Variants in PARD3B observed in about 807,000 individuals in gnomAD.
PARD3B encodes par-3 family cell polarity regulator beta.
A neutral mutation model predicts 130.2 loss-of-function variants in PARD3B; 103 were observed. The observed-to-expected ratio is 0.79, with a 90% confidence interval of 0.67 to 0.93. The LOEUF (loss-of-function observed/expected upper bound fraction) is 0.93, where lower values mean the gene tolerates loss of function less well. Among genes scored for constraint, PARD3B ranks in the 40% least tolerant of loss-of-function variants. The probability of loss-of-function intolerance (pLI) is 0.00; values close to 1 mark genes in which losing one functional copy is unlikely to be tolerated. For missense variants in PARD3B, 1,609 were observed against 1,499.2 expected, an observed-to-expected ratio of 1.07 and a Z score of -1.21; for synonymous variants, 583 against 553.2, an observed-to-expected ratio of 1.05 and a Z score of -0.76.
chr2:205,447,629 GGC>G (rs2047952332), intron 20 of PARD3B, among the ~76,000 whole-genome samples: 2 of 152,060 alleles, frequency 1.3e-5, no homozygotes, highest in African/African-American at 2.4e-5. Flanking sequence ...TGCCCACCTG[GGC>G]CTCCCAAAGT....
At chr2:204,751,855 G>A (rs1466114094) in intron 2 of PARD3B, among the ~76,000 whole-genome samples, 2 of 152,166 alleles carry the variant, frequency 1.3e-5, no homozygotes, top group African/African-American at 4.8e-5. Context: ...CTGAAGAAAT[G>A]TAATCACTGA....
At chr2:205,250,631 T>C (rs1268830059) in intron 16 of PARD3B, among the ~76,000 whole-genome samples, 2 of 152,070 alleles carry the variant, frequency 1.3e-5, no homozygotes, top group Non-Finnish European at 2.9e-5. Flanking sequence ...CTCAGGTAAT[T>C]TAAATACTTG....
chr2:204,990,429 G>C (rs1436216382), intron 3 of PARD3B, among the ~76,000 whole-genome samples: 1 of 151,932 alleles, frequency 6.6e-6, no homozygotes, highest in Non-Finnish European at 1.5e-5. Context: ...TAGCTATCTT[G>C]AAATATACAA....
intron 2 of PARD3B, among the ~76,000 whole-genome samples, chr2:204,782,866 A>G (rs2041887091): frequency 6.6e-6 from 1 of 152,100 alleles, no homozygotes; most frequent in South Asian, 2.1e-4. Context: ...TATTAATGAT[A>G]ATTGGAGCCA....
intron 15 of PARD3B, among the ~76,000 whole-genome samples, chr2:205,236,027 G>A: frequency 6.6e-6 from 1 of 152,168 alleles, no homozygotes; most frequent in East Asian, 1.9e-4. Context: ...GGGGACATCA[G>A]TACAGATTTC....
intron 1 of PARD3B, among the ~76,000 whole-genome samples, chr2:204,621,166 A>G (rs994195768): frequency 6.6e-6 from 1 of 152,218 alleles, no homozygotes; most frequent in Admixed American, 6.5e-5. Context: ...AAAGAATGTT[A>G]CCATCTCATG....
chr2:205,189,064 A>G (rs2036253009), intron 14 of PARD3B, among the ~76,000 whole-genome samples: 1 of 152,218 alleles, frequency 6.6e-6, no homozygotes, highest in Non-Finnish European at 1.5e-5. Flanking sequence ...AGTTGAAGCT[A>G]AATCAGCAGC....
At chr2:205,347,424 C>G (rs1489881802) in intron 18 of PARD3B, among the ~76,000 whole-genome samples, 1 of 152,150 alleles carries the variant, frequency 6.6e-6, no homozygotes, top group African/African-American at 2.4e-5. Context: ...CATGGTTAAG[C>G]TAACCTTTAT....
intron 4 of PARD3B, among the ~76,000 whole-genome samples, chr2:205,083,470 C>A (rs11675444): frequency 0.4 from 60,291 of 151,570 alleles, 12,557 homozygotes; most frequent in East Asian, 0.55. Context: ...AGAAAAAGGG[C>A]CAATTATGGT....
At chr2:205,120,236 A>G (rs1237682275) in intron 7 of PARD3B, among the ~76,000 whole-genome samples, 1 of 152,204 alleles carries the variant, frequency 6.6e-6, no homozygotes, top group Non-Finnish European at 1.5e-5. Context: ...ATAATTATGC[A>G]AAGCAATCAT....
At chr2:204,828,235 C>A (rs186975148) in intron 2 of PARD3B, among the ~76,000 whole-genome samples, 1 of 152,152 alleles carries the variant, frequency 6.6e-6, no homozygotes, top group Non-Finnish European at 1.5e-5. Context: ...TTGAAATTTC[C>A]TCTTCTCTTG....
At chr2:205,326,352 T>C (rs2042939415) in intron 18 of PARD3B, among the ~76,000 whole-genome samples, 1 of 152,166 alleles carries the variant, frequency 6.6e-6, no homozygotes, top group Non-Finnish European at 1.5e-5. Context: ...TCTTATTCCA[T>C]TAGGGACACA....
chr2:205,031,460 A>C (rs2125361797), intron 3 of PARD3B, among the ~76,000 whole-genome samples: 1 of 152,256 alleles, frequency 6.6e-6, no homozygotes, highest in South Asian at 2.1e-4. Context: ...TTTCATCTCA[A>C]ATTAAAGAAG....
At chr2:205,392,533 A>G (rs2045894921) in intron 18 of PARD3B, among the ~76,000 whole-genome samples, 3 of 152,208 alleles carry the variant, frequency 2.0e-5, no homozygotes, top group Non-Finnish European at 4.4e-5. Context: ...TGTCTAAATA[A>G]CATATCAAAA....
intron 14 of PARD3B, among the ~76,000 whole-genome samples, chr2:205,186,101 T>G (rs546961325): frequency 6.6e-6 from 1 of 152,270 alleles, no homozygotes; most frequent in East Asian, 1.9e-4. Context: ...ATTAAAATAT[T>G]TAAGAAAATG....
At chr2:205,580,968 T>TATA (rs1294055020) in intron 22 of PARD3B, among the ~76,000 whole-genome samples, 1 of 152,170 alleles carries the variant, frequency 6.6e-6, no homozygotes, top group Non-Finnish European at 1.5e-5. Context: ...GCAATCTGAG[T>TATA]ATAAAATACC....
At chr2:205,233,037 AACCTCT>A (rs1363860519) in intron 15 of PARD3B, among the ~76,000 whole-genome samples, 1 of 152,190 alleles carries the variant, frequency 6.6e-6, no homozygotes, top group Non-Finnish European at 1.5e-5. Flanking sequence ...ATCTCAAATG[AACCTCT>A]AAGTACAGAC....
At chr2:204,602,327 T>G (rs2033544654) in intron 1 of PARD3B, among the ~76,000 whole-genome samples, 1 of 152,082 alleles carries the variant, frequency 6.6e-6, no homozygotes, top group South Asian at 2.1e-4. Flanking sequence ...TGTGCTCATT[T>G]TATTTGACCG....
chr2:205,479,843 A>G (rs1012653669), intron 20 of PARD3B, among the ~76,000 whole-genome samples: 2 of 151,418 alleles, frequency 1.3e-5, no homozygotes, highest in African/African-American at 4.9e-5. Flanking sequence ...TGTCTGTTCA[A>G]CCTCATCACT....
Sources: allele counts gnomAD v4.1 joint callset (sites outside exome capture counted in the v4.1 genomes callset), GRCh38; gene constraint gnomAD v4.1.1; transcripts MANE v1.5; gene names NCBI Gene and HGNC (gene_info 2026-07-23, HGNC 2026-07-21).